Variants in TNFAIP8 observed in about 807,000 individuals in gnomAD.
TNFAIP8 encodes tumor necrosis factor alpha-induced protein 8.
In TNFAIP8, 7 loss-of-function variants were observed where a neutral mutation model predicts 13.3. That is an observed-to-expected ratio of 0.52 (90% CI 0.30 to 0.99). The LOEUF is 0.99. Among genes scored for constraint, TNFAIP8 ranks in the 50% least tolerant of loss-of-function variants. TNFAIP8 has a pLI of 0.07. For synonymous variants in TNFAIP8, 94 were observed against 87.6 expected, an observed-to-expected ratio of 1.07 and a Z score of -0.41; for missense variants, 258 against 236.9, an observed-to-expected ratio of 1.09 and a Z score of -0.58.
At chr5:119,334,457 G>A (rs1377544388) in intron 1 of TNFAIP8, among the ~76,000 whole-genome samples, 1 of 151,786 alleles carries the variant, frequency 6.6e-6, no homozygotes, top group Non-Finnish European at 1.5e-5. Context: ...ACATAGGTGG[G>A]TGTTGGTATA....
chr5:119,285,965 C>CT (rs528518023), intron 1 of TNFAIP8, among the ~76,000 whole-genome samples: 222 of 150,966 alleles, frequency 1.5e-3, no homozygotes, highest in Non-Finnish European at 2.7e-3. Flanking sequence ...AGTACATACG[C>CT]TTTTTTTTTA....
intron 1 of TNFAIP8, among the ~76,000 whole-genome samples, chr5:119,361,994 T>C (rs554055052): frequency 6.6e-6 from 1 of 151,998 alleles, no homozygotes; most frequent in Non-Finnish European, 1.5e-5. Context: ...GATAACCCCA[T>C]CTTCAGAGAG....
chr5:119,302,547 G>C (rs548797456), intron 1 of TNFAIP8, among the ~76,000 whole-genome samples: 5 of 152,138 alleles, frequency 3.3e-5, no homozygotes, highest in Non-Finnish European at 5.9e-5. Flanking sequence ...CTGCTGAACT[G>C]TCAAATTATT....
At chr5:119,291,826 A>G (rs1748997398) in intron 1 of TNFAIP8, among the ~76,000 whole-genome samples, 1 of 152,252 alleles carries the variant, frequency 6.6e-6, no homozygotes, top group South Asian at 2.1e-4. Flanking sequence ...AAACTAGCAA[A>G]GACATTTTTG....
At chr5:119,358,097 A>G (rs1319397402) in intron 1 of TNFAIP8, among the ~76,000 whole-genome samples, 1 of 120,384 alleles carries the variant, frequency 8.3e-6, no homozygotes, top group African/African-American at 3.5e-5. Context: ...TCTTATACGT[A>G]GCTTTTTTTT....
At chr5:119,292,935 A>G (rs1199746547) in intron 1 of TNFAIP8, among the ~76,000 whole-genome samples, 2 of 151,672 alleles carry the variant, frequency 1.3e-5, no homozygotes, top group African/African-American at 2.4e-5. Context: ...TGGGATGATG[A>G]AATGTTCTTC....
chr5:119,321,586 G>A (rs1750057820), intron 1 of TNFAIP8, among the ~76,000 whole-genome samples: 1 of 152,132 alleles, frequency 6.6e-6, no homozygotes, highest in Non-Finnish European at 1.5e-5. Flanking sequence ...CACAAGCCCA[G>A]GAGGCATCCT....
At chr5:119,316,129 A>G (rs954993692) in intron 1 of TNFAIP8, 8 of 150,992 alleles carry the variant, frequency 5.3e-5, no homozygotes, top group African/African-American at 1.9e-4. Context: ...GCAGATTAGA[A>G]CTACAGTTGA....
upstream of TNFAIP8, chr5:119,355,957 C>T: frequency 2.0e-6 from 3 of 1,469,378 alleles, no homozygotes; most frequent in Non-Finnish European, 2.7e-6. Flanking sequence ...TCTCCCGCCC[C>T]GGGGAGGTTT....
chr5:119,329,904 C>T (rs902281751), intron 1 of TNFAIP8, among the ~76,000 whole-genome samples: 3 of 151,924 alleles, frequency 2.0e-5, no homozygotes, highest in Non-Finnish European at 4.4e-5. Flanking sequence ...GACCATCCGC[C>T]GTCTCTGTTA....
At chr5:119,268,817 C>G in exon 1 of TNFAIP8, 1 of 699,808 alleles carries the variant, frequency 1.4e-6, no homozygotes, top group African/African-American at 1.8e-5. Context: ...CCGCGGGAAC[C>G]CGTGAGCCAC....
At chr5:119,332,798 TA>T (rs1243744607) in intron 1 of TNFAIP8, among the ~76,000 whole-genome samples, 1 of 152,220 alleles carries the variant, frequency 6.6e-6, no homozygotes, top group Non-Finnish European at 1.5e-5. Context: ...AACAGGCTCC[TA>T]AAGAAACTAT....
intron 1 of TNFAIP8, among the ~76,000 whole-genome samples, chr5:119,327,045 C>A (rs566044094): frequency 2.6e-5 from 4 of 152,242 alleles, no homozygotes; most frequent in Admixed American, 2.6e-4. Flanking sequence ...AGGATAGGGG[C>A]TCGGGCTCCC....
intron 1 of TNFAIP8, among the ~76,000 whole-genome samples, chr5:119,362,103 C>A (rs1411265956): frequency 6.6e-6 from 1 of 152,104 alleles, no homozygotes; most frequent in Non-Finnish European, 1.5e-5. Context: ...AGACAGTGGA[C>A]CCTATGAAAG....
At chr5:119,379,107 G>A (rs1235245586) in intron 1 of TNFAIP8, among the ~76,000 whole-genome samples, 1 of 152,140 alleles carries the variant, frequency 6.6e-6, no homozygotes, top group South Asian at 2.1e-4. Flanking sequence ...CATATTTAGG[G>A]TTATGTGTTT....
At chr5:119,384,372 A>G (rs951380671) in intron 1 of TNFAIP8, among the ~76,000 whole-genome samples, 4 of 152,150 alleles carry the variant, frequency 2.6e-5, no homozygotes, top group South Asian at 4.1e-4. Context: ...ATAATCAGCT[A>G]CTTGGGAGAC....
chr5:119,326,288 G>A (rs1343663668), intron 1 of TNFAIP8, among the ~76,000 whole-genome samples: 1 of 152,222 alleles, frequency 6.6e-6, no homozygotes, highest in Non-Finnish European at 1.5e-5. Context: ...GGGAAATGCT[G>A]TAAGTGTCCA....
chr5:119,297,988 GC>G (rs1398620373), intron 1 of TNFAIP8, among the ~76,000 whole-genome samples: 1 of 152,042 alleles, frequency 6.6e-6, no homozygotes, highest in African/African-American at 2.4e-5. Flanking sequence ...TTTATTTTGA[GC>G]CTATGTGTGT....
chr5:119,320,896 C>G (rs1249372589), intron 1 of TNFAIP8, among the ~76,000 whole-genome samples: 1 of 149,888 alleles, frequency 6.7e-6, no homozygotes, highest in Non-Finnish European at 1.5e-5. Flanking sequence ...AAAAAAAAAA[C>G]AAAAAACGAA....
Sources: gnomAD v4.1 joint callset for allele counts (sites outside exome capture counted in the v4.1 genomes callset) on GRCh38, gnomAD v4.1.1 for gene constraint, MANE v1.5 for transcripts, NCBI Gene and HGNC (gene_info 2026-07-23, HGNC 2026-07-21) for gene names.